Variants in FHOD3 observed in about 807,000 individuals in gnomAD.
FHOD3 encodes the protein formin homology 2 domain containing 3.
In FHOD3, 90 loss-of-function variants were observed where a neutral mutation model predicts 173.0. The observed-to-expected ratio is 0.52, with a 90% CI of 0.44 to 0.62. The LOEUF (loss-of-function observed/expected upper bound fraction) is 0.62, where lower values mean the gene tolerates loss of function less well. Among genes scored for constraint, FHOD3 ranks in the 20% least tolerant of loss-of-function variants. FHOD3 has a pLI of 0.00. For missense variants in FHOD3, 1,945 were observed against 2,034.7 expected, an observed-to-expected ratio of 0.96 and a Z score of 0.85; for synonymous variants, 828 against 823.0, an observed-to-expected ratio of 1.01 and a Z score of -0.10.
At chr18:36,310,769 C>T (rs996083849) in intron 1 of FHOD3, among the ~76,000 whole-genome samples, 8 of 151,190 alleles carry the variant, frequency 5.3e-5, no homozygotes, top group African/African-American at 1.9e-4. Flanking sequence ...TGGAAAGCCT[C>T]GTGGAGAAGG....
intron 10 of FHOD3, 59 bp downstream of exon 10, chr18:36,625,808 C>A: frequency 7.2e-7 from 1 of 1,394,164 alleles, no homozygotes; most frequent in Non-Finnish European, 9.7e-7. Context: ...AGAGAGCCCA[C>A]AGGTGCCTGC....
intron 2 of FHOD3, among the ~76,000 whole-genome samples, chr18:36,363,415 TAAAC>T (rs1219075963): frequency 6.6e-6 from 1 of 152,188 alleles, no homozygotes; most frequent in East Asian, 1.9e-4. Flanking sequence ...GTTGAATGGG[TAAAC>T]AAACCATAGT....
At chr18:36,360,082 T>C (rs540817982) in intron 2 of FHOD3, among the ~76,000 whole-genome samples, 1 of 152,320 alleles carries the variant, frequency 6.6e-6, no homozygotes, top group Admixed American at 6.5e-5. Flanking sequence ...TGCCTGTTGC[T>C]ACCCTCAGTG....
At chr18:36,778,822 A>C (rs1354200469) in intron 28 of FHOD3, 1 of 152,138 alleles carries the variant, frequency 6.6e-6, no homozygotes, top group Non-Finnish European at 1.5e-5. Flanking sequence ...GAGGCCTTTT[A>C]GTGAGTTGAG....
At chr18:36,659,827 G>T (rs118028382) in intron 14 of FHOD3, among the ~76,000 whole-genome samples, 1 of 152,168 alleles carries the variant, frequency 6.6e-6, no homozygotes, top group Non-Finnish European at 1.5e-5. Context: ...ACCTCTGCCC[G>T]CTTTTCTGCC....
intron 16 of FHOD3, among the ~76,000 whole-genome samples, chr18:36,689,588 A>G (rs1051822400): frequency 2.6e-5 from 4 of 152,222 alleles, no homozygotes; most frequent in African/African-American, 9.6e-5. Flanking sequence ...TATTAGAAGA[A>G]AGGCTTTATA....
rs953418338 is a variant in FHOD3, at chr18:36,595,080, T to C, written c.718+182T>C. On this transcript the variant is annotated intron_variant, in intron 7 of 28. Coordinates refer to ENST00000590592, the MANE Select transcript of FHOD3 (RefSeq NM_001281740.3). ...CAAAGCTTAGGGCCGGAATGGGGTTTGATAATGAAAGAAAAGTGCTCATGA... is the reference window on the plus strand; with the variant it reads ...CAAAGCTTAGGGCCGGAATGGGGTTCGATAATGAAAGAAAAGTGCTCATGA... 5.9e-5 allele frequency among the ~76,000 whole-genome samples: 9 copies of C among 152,126 alleles called. 1 individual carries two copies. Among genetic ancestry groups the C allele is most frequent in the Non-Finnish European group, 1.0e-4 (7 of 68,032 alleles).
intron 3 of FHOD3, among the ~76,000 whole-genome samples, chr18:36,465,492 G>A (rs1351055221): frequency 6.6e-6 from 1 of 152,186 alleles, no homozygotes; most frequent in Non-Finnish European, 1.5e-5. Context: ...GGGAGCCAGG[G>A]GTTGGTACAG....
intron 14 of FHOD3, among the ~76,000 whole-genome samples, chr18:36,658,760 T>C (rs1173966235): frequency 6.6e-6 from 1 of 152,198 alleles, no homozygotes; most frequent in Non-Finnish European, 1.5e-5. Flanking sequence ...AGACCTGTAA[T>C]TTTAGAACAG....
rs561962259 is a variant in FHOD3, at chr18:36,649,545, C to T, written c.1286+140C>T. On this transcript the variant is annotated intron_variant, in intron 11 of 28. Transcript: ENST00000590592. Reference sequence around the variant, plus strand: ...CTCTTACTTACCCTGTTCACAGAGCCACAGAACCACTGGTTTTGTAGAAAT... The same window carrying T: ...CTCTTACTTACCCTGTTCACAGAGCTACAGAACCACTGGTTTTGTAGAAAT... The T allele has an allele frequency of 9.2e-6, 5 of 542,188 alleles. No homozygotes were observed. In the South Asian group the frequency reaches 1.2e-4, roughly 13 times the overall value. 33.6% of individuals were successfully genotyped at this position (542,188 alleles called of 1,614,324 possible).
At chr18:36,653,601 A>G (rs1006456631) in intron 13 of FHOD3, among the ~76,000 whole-genome samples, 185 bp downstream of exon 13, 1 of 152,200 alleles carries the variant, frequency 6.6e-6, no homozygotes, top group Non-Finnish European at 1.5e-5. Flanking sequence ...AAAAATGGAG[A>G]TGAGGGCAGA....
At chr18:36,771,507 T>C (rs2043379406) in intron 28 of FHOD3, among the ~76,000 whole-genome samples, 1 of 152,260 alleles carries the variant, frequency 6.6e-6, no homozygotes, top group Non-Finnish European at 1.5e-5. Flanking sequence ...TATCATTGGC[T>C]CATTTTTTTG....
At chr18:36,675,293 C>T (rs1189009591) in intron 14 of FHOD3, among the ~76,000 whole-genome samples, 1 of 152,162 alleles carries the variant, frequency 6.6e-6, no homozygotes, top group Non-Finnish European at 1.5e-5. Flanking sequence ...GTGGTCTCCT[C>T]TGTTCCTTTG....
At chr18:36,596,209 C>T (rs1407767321) in intron 7 of FHOD3, among the ~76,000 whole-genome samples, 1 of 151,766 alleles carries the variant, frequency 6.6e-6, no homozygotes, top group Non-Finnish European at 1.5e-5. Context: ...GGCTGGAGTG[C>T]AGTGGCGCGA....
At chr18:36,303,754 G>T (rs761597628) in intron 1 of FHOD3, among the ~76,000 whole-genome samples, 3 of 152,014 alleles carry the variant, frequency 2.0e-5, no homozygotes, top group African/African-American at 4.8e-5. Flanking sequence ...CAATAACACT[G>T]CTGTTGCCTG....
intron 1 of FHOD3, among the ~76,000 whole-genome samples, chr18:36,324,624 C>T (rs1241190353): frequency 6.6e-6 from 1 of 152,172 alleles, no homozygotes. Flanking sequence ...TGACCAGTAA[C>T]CTTTATTCAT....
intron 15 of FHOD3, 51 bp downstream of exon 15, chr18:36,681,621 C>T (rs773184038): frequency 6.7e-7 from 1 of 1,503,648 alleles, no homozygotes; most frequent in South Asian, 1.2e-5. Context: ...AAATTAAAGG[C>T]ATGTGACTTT....
At chr18:36,767,346 G>C (rs1017855357) in intron 27 of FHOD3, among the ~76,000 whole-genome samples, 4 of 152,070 alleles carry the variant, frequency 2.6e-5, no homozygotes, top group Non-Finnish European at 2.9e-5. Flanking sequence ...GGAAATCAGA[G>C]TCTCACTTTG....
Position 36,707,931 on chromosome 18 carries a change from C to G in FHOD3, c.2237-1164C>G, listed in dbSNP as rs150113744. 3.9e-5 allele frequency among the ~76,000 whole-genome samples: 6 copies of G among 152,266 alleles called. No homozygotes were observed. The South Asian group carries it at 6.2e-4, about 16-fold the overall frequency. ...CAGGGTTCCAGAAGAGTGGGCTTTG[C>G]TCAGCCTGAGGGCAGTTCCCTTAAG... On this transcript the variant is annotated intron_variant, in intron 17 of 28. Transcript: ENST00000590592.
Sources: gnomAD v4.1 joint callset for allele counts (sites outside exome capture counted in the v4.1 genomes callset) on GRCh38, gnomAD v4.1.1 for gene constraint, MANE v1.5 for transcripts, NCBI Gene and HGNC (gene_info 2026-07-23, HGNC 2026-07-21) for gene names.